The following STAT5B variants were observed in gnomAD, a reference collection of about 807,000 sequenced individuals.
STAT5B encodes signal transducer and activator of transcription 5B, also known as transcription factor STAT5B.
STAT5B carries 21 observed loss-of-function variants against 107.8 expected under a neutral mutation model. The observed-to-expected ratio is 0.19, with a 90% CI of 0.14 to 0.28. The LOEUF is 0.28. Among genes scored for constraint, STAT5B ranks in the 10% least tolerant of loss-of-function variants. The probability of loss-of-function intolerance (pLI) is 1.00; values close to 1 mark genes in which losing one functional copy is unlikely to be tolerated. For missense variants in STAT5B, 565 were observed against 1,008.2 expected (o/e 0.56, Z 5.95); for synonymous variants, 325 against 401.7 (o/e 0.81, Z 2.28).
chr17:42,227,263 C>T (rs535142504), intron 3 of STAT5B, among the ~76,000 whole-genome samples: 50 of 150,690 alleles, frequency 3.3e-4, no homozygotes, highest in African/African-American at 1.1e-3. Context: ...CGAGAGACAG[C>T]GAGGAGTATA....
intron 1 of STAT5B, among the ~76,000 whole-genome samples, chr17:42,239,811 T>A (rs1234638776): frequency 1.3e-5 from 2 of 152,012 alleles, no homozygotes; most frequent in African/African-American, 4.8e-5. Flanking sequence ...CTAAGAGAAG[T>A]GAAAACATGT....
intron 1 of STAT5B, among the ~76,000 whole-genome samples, chr17:42,263,611 C>T (rs1032363188): frequency 2.6e-5 from 4 of 152,130 alleles, no homozygotes; most frequent in African/African-American, 4.8e-5. Context: ...ATTGCAGCCT[C>T]GAACTCCCAG....
At chr17:42,225,639 C>G (rs887130643) in intron 3 of STAT5B, among the ~76,000 whole-genome samples, 4 of 152,306 alleles carry the variant, frequency 2.6e-5, no homozygotes, top group Admixed American at 2.0e-4. Context: ...GCATACAATC[C>G]TCCCATACAC....
intron 1 of STAT5B, among the ~76,000 whole-genome samples, chr17:42,265,659 C>T (rs1270065673): frequency 6.6e-6 from 1 of 152,064 alleles, no homozygotes; most frequent in Non-Finnish European, 1.5e-5. Context: ...CTTGAGTATG[C>T]ACTCTTTTAA....
At chr17:42,218,123 A>C in intron 9 of STAT5B, 28 bp downstream of exon 9, 1 of 1,609,766 alleles carries the variant, frequency 6.2e-7, no homozygotes, top group Non-Finnish European at 8.5e-7. Context: ...GACAAGTAGC[A>C]GGGAATGAGA....
chr17:42,277,743 TTTTC>T (rs748402655), upstream of STAT5B, among the ~76,000 whole-genome samples: 102 of 150,852 alleles, frequency 6.8e-4, no homozygotes, highest in Non-Finnish European at 9.7e-4. Flanking sequence ...CTCTTTTATC[TTTTC>T]TTTTTCTTTT....
At chr17:42,202,177 C>G in intron 18 of STAT5B, 163 bp downstream of exon 18, 2 of 803,964 alleles carry the variant, frequency 2.5e-6, no homozygotes, top group Admixed American at 5.2e-5. Context: ...CCAATCACTT[C>G]TGGTCAAATC....
chr17:42,249,494 T>G (rs1025376463), intron 1 of STAT5B, among the ~76,000 whole-genome samples: 3 of 152,196 alleles, frequency 2.0e-5, no homozygotes, highest in African/African-American at 7.2e-5. Flanking sequence ...AATTTTGAAC[T>G]TATTCTCAAA....
rs1171483179 is a variant in STAT5B at position 42,210,400 on chromosome 17, C to T, written c.1775+3G>A. ...CGGCGCCTTAAGAAATAATGATTCTCACCCATCATTCCAATGAGGCTTGAG... is the reference window on the plus strand; with the variant it reads ...CGGCGCCTTAAGAAATAATGATTCTTACCCATCATTCCAATGAGGCTTGAG... On this transcript the variant is annotated splice_donor_region_variant and intron_variant, in intron 14 of 18. Coordinates refer to ENST00000293328, the MANE Select transcript of STAT5B (RefSeq NM_012448.4). 19 of 1,613,980 alleles carry T rather than the reference C, an allele frequency of 1.2e-5. No individual in the cohort carries two copies. Among genetic ancestry groups the T allele is most frequent in the Non-Finnish European group, 1.5e-5 (18 of 1,179,972 alleles).
At chr17:42,203,284 G>A (rs779869743) in intron 16 of STAT5B, among the ~76,000 whole-genome samples, 1 of 152,146 alleles carries the variant, frequency 6.6e-6, no homozygotes, top group Non-Finnish European at 1.5e-5. Context: ...TGGTAGAGGA[G>A]AAGGTCAGCA....
intron 1 of STAT5B, among the ~76,000 whole-genome samples, chr17:42,250,238 T>C (rs2080487050): frequency 6.6e-6 from 1 of 152,220 alleles, no homozygotes; most frequent in Admixed American, 6.5e-5. Context: ...GACACCAGGC[T>C]TTTTGTGAGA....
the STAT5B span, among the ~76,000 whole-genome samples, chr17:42,287,335 C>CCCG: frequency 6.6e-6 from 1 of 150,874 alleles, no homozygotes; most frequent in African/African-American, 2.5e-5. Context: ...AATGCACCCC[C>CCCG]CCCAACAGAA....
intron 9 of STAT5B, 89 bp downstream of exon 9, chr17:42,218,062 G>C: frequency 6.4e-7 from 1 of 1,552,388 alleles, no homozygotes; most frequent in Non-Finnish European, 8.7e-7. Flanking sequence ...AGGGCAAACA[G>C]GGATCTGACA....
At chr17:42,215,547 C>T (rs1323201371) in intron 12 of STAT5B, among the ~76,000 whole-genome samples, 1 of 152,142 alleles carries the variant, frequency 6.6e-6, no homozygotes, top group Non-Finnish European at 1.5e-5. Context: ...CGATGTCAAG[C>T]CCATGTTCTT....
intron 1 of STAT5B, among the ~76,000 whole-genome samples, chr17:42,246,203 C>T (rs1272308686): frequency 1.3e-5 from 2 of 151,922 alleles, no homozygotes; most frequent in Admixed American, 1.3e-4. Flanking sequence ...CCCACAGGAA[C>T]CAAGTTTAAA....
intron 1 of STAT5B, among the ~76,000 whole-genome samples, chr17:42,259,218 C>T (rs1020512292): frequency 1.3e-5 from 2 of 152,086 alleles, no homozygotes; most frequent in African/African-American, 2.4e-5. Context: ...CCCAGGCTGA[C>T]TTGAAACTCT....
intron 1 of STAT5B, among the ~76,000 whole-genome samples, chr17:42,273,560 A>G (rs1332208813): frequency 1.3e-5 from 2 of 152,328 alleles, no homozygotes; most frequent in East Asian, 1.9e-4. Flanking sequence ...ACAGAAAGGG[A>G]AAAAATGTGT....
intron 1 of STAT5B, among the ~76,000 whole-genome samples, chr17:42,267,747 T>A (rs1185090085): frequency 6.6e-6 from 1 of 151,746 alleles, no homozygotes; most frequent in African/African-American, 2.4e-5. Context: ...TCACCTGAGG[T>A]CAGAAGTTTG....
At chr17:42,218,934 A>G in intron 7 of STAT5B, 56 bp from the exon 8 acceptor site, 1 of 1,613,410 alleles carries the variant, frequency 6.2e-7, no homozygotes, top group Non-Finnish European at 8.5e-7. Flanking sequence ...CACAGACGCC[A>G]GGCCCCAAGA....
Sources: allele counts gnomAD v4.1 joint callset (sites outside exome capture counted in the v4.1 genomes callset), GRCh38; gene constraint gnomAD v4.1.1; transcripts MANE v1.5; gene names NCBI Gene and HGNC (gene_info 2026-07-23, HGNC 2026-07-21).